The following SLC49A3 variants were observed in gnomAD, a reference collection of about 807,000 sequenced individuals.
SLC49A3 encodes the protein solute carrier family 49 member 3, also known as solute carrier family 49 member A3.
SLC49A3 carries 50 observed loss-of-function variants against 43.8 expected under a neutral mutation model. The observed-to-expected ratio is 1.14, with a 90% CI of 0.91 to 1.45. SLC49A3 has a LOEUF of 1.45. SLC49A3 is among the 40% of genes most tolerant of loss of function. The pLI, the probability that SLC49A3 is intolerant of heterozygous loss-of-function variation, is 0.00. For missense variants in SLC49A3, 906 were observed against 774.1 expected (o/e 1.17, Z -2.02); for synonymous variants, 413 against 352.0 (o/e 1.17, Z -1.94).
At chr4:678,008 AAAGCAGGCAG>A (rs377338184), downstream of SLC49A3, 478 of 1,613,454 alleles carry the variant, frequency 3.0e-4, 2 homozygotes, top group African/African-American at 5.9e-3. Flanking sequence ...CAGACGCATC[AAAGCAGGCAG>A]AAGCAGGCAT....
Position 685,239 on chromosome 4 carries a change from C to T in SLC49A3, c.586-383G>A, listed in dbSNP as rs1045964251. On this transcript the variant is annotated intron_variant, in intron 4 of 9. Transcript: ENST00000322224. This position sits in a 1 kb window ranked among gnomAD's most constrained non-coding sequence, Gnocchi z 4.3. Reference sequence around the variant, plus strand: ...CAGTACATACCCCCAAGCACAAACACACCACCCGCACCTGATACACATGCA... The same window carrying T: ...CAGTACATACCCCCAAGCACAAACATACCACCCGCACCTGATACACATGCA... 32 of 331,974 alleles carry T rather than the reference C, an allele frequency of 9.6e-5. No homozygotes were observed. The highest frequency in any genetic ancestry group is 8.8e-4 in the Middle Eastern group (1 of 1,132). 20.6% of individuals were successfully genotyped at this position (331,974 alleles called of 1,614,324 possible). A position where few individuals can be genotyped will look rare whatever the true frequency, so the allele number is the denominator to read the frequency against.
rs935267401 is a variant in SLC49A3, at chr4:683,286, C to T, written c.1075G>A (p.Val359Met). Residue 359 changes from valine to methionine, a missense_variant, in exon 8 of 10, where the codon GTG becomes ATG. Transcript: ENST00000322224. ...CACTCGACCGCCAACTCCATGGCCA[C>T]GGGGCCCACCGAGAAGCCAAACAGC... is the stretch of plus-strand genomic sequence containing the variant. ...LGLFGFSVGP[V>M]AMELAVECSF... 15 of 1,612,684 alleles carry T rather than the reference C, an allele frequency of 9.3e-6. No individual in the cohort carries two copies. The South Asian group carries it at 1.3e-4, about 14-fold the overall frequency.
downstream of SLC49A3, chr4:680,791 G>C (rs1739391509): frequency 1.5e-6 from 1 of 652,292 alleles, no homozygotes; most frequent in Admixed American, 2.9e-5. Flanking sequence ...TGTGCCCGGT[G>C]GGGGTGGGGC....
At chr4:691,272 G>C (rs1325577450), upstream of SLC49A3, among the ~76,000 whole-genome samples, 4 of 115,060 alleles carry the variant, frequency 3.5e-5, no homozygotes, top group Non-Finnish European at 6.7e-5. Flanking sequence ...AACAGAGTGA[G>C]ACTCTGTCTC....
At chr4:676,868 G>A (rs976156565), downstream of SLC49A3, 9 of 985,304 alleles carry the variant, frequency 9.1e-6, no homozygotes, top group Admixed American at 6.1e-5. Context: ...CATGCCTCCA[G>A]GGTCCTCAAC....
chr4:688,063 C>T (rs1233968023), intron 1 of SLC49A3: 1 of 152,488 alleles, frequency 6.6e-6, no homozygotes, highest in Admixed American at 6.5e-5. Flanking sequence ...ACACCTACGA[C>T]ACCCACTGAC....
At position 684,487 on chromosome 4, in the gene SLC49A3, G is replaced by C. The variant is rs759501936; in HGVS notation, c.836C>G (p.Ser279Cys). The change falls in exon 6 of 10, where the codon TCC becomes TGC. Residue 279 changes from serine (S) to cysteine (C), a missense_variant. Coordinates refer to ENST00000322224, the MANE Select transcript of SLC49A3 (RefSeq NM_032219.4). ...CAGGGGTGGGGCCAGGCTCACACTG[G>C]AGTGGCCGCTTGCACAGAGGATCTG... ...LEQILCASGH[S>C]SGFSGLCGAL... 1 of 1,612,924 alleles carries C rather than the reference G, an allele frequency of 6.2e-7. No individual in the cohort carries two copies. Among genetic ancestry groups the C allele is most frequent in the Non-Finnish European group, 8.5e-7 (1 of 1,179,914 alleles).
chr4:684,703 A>G lies in SLC49A3; in HGVS notation c.723+16T>C, dbSNP rs201587744. ...CCCCCAAATCCACCCTACCCCGGGG[A>G]TCCCACGGCACTGACCAGCTTGAGC... On this transcript the variant is annotated intron_variant, in intron 5 of 9. Transcript: ENST00000322224. 2.5e-6 allele frequency: 4 copies of G among 1,607,036 alleles called. No homozygotes were observed. In the South Asian group the frequency reaches 3.3e-5, roughly 13 times the overall value.
Position 682,206 on chromosome 4 carries a change from TTCCTGCTCCCCCTCGG to T in SLC49A3, c.1416_1431del (p.Asp472GlufsTer22), listed in dbSNP as rs747105332. The T allele has an allele frequency of 8.9e-5, 122 of 1,374,210 alleles. No homozygotes were observed. The highest frequency in any genetic ancestry group is 1.1e-4 in the Non-Finnish European group (117 of 1,052,748). The allele number at this position is 1,374,210 out of a possible 1,614,324, so 85.1% of individuals were successfully genotyped here. ...GTGCTGGGCCCCAGGACCCCAGCCC[TTCCTGCTCCCCCTCGG>T]TCCACACCCGGCCCTGAGTCTGCGC... is the stretch of plus-strand genomic sequence containing the variant. On this transcript the variant is annotated frameshift_variant, in exon 10 of 10. Transcript: ENST00000322224. LOFTEE classifies it low-confidence loss of function (END_TRUNC).
downstream of SLC49A3, chr4:679,966 G>A (rs746332201): frequency 1.4e-5 from 22 of 1,613,544 alleles, no homozygotes; most frequent in Middle Eastern, 1.6e-4. Context: ...AAGAGGCCTC[G>A]GGGCCCATCA....
At chr4:691,518 C>A (rs1299894101), upstream of SLC49A3, among the ~76,000 whole-genome samples, 1 of 151,232 alleles carries the variant, frequency 6.6e-6, no homozygotes, top group Non-Finnish European at 1.5e-5. Context: ...TTGATTAAAC[C>A]CGGGAGGCAG....
In SLC49A3 at chr4:682,071, C is replaced by T. The variant is rs748008558; in HGVS notation, c.1567G>A (p.Ala523Thr). Residue 523 changes from alanine (A) to threonine (T), a missense_variant, in exon 10 of 10, where the codon GCC becomes ACC. Ala to Thr is a moderately conservative substitution (Grantham distance 58). Transcript: ENST00000322224. ...CCGGGGCGGGAGGGCGCGTCGGTGG[C>T]TGCTGGGCCTTGCGCACGGGGAGTC... ...RATPRAQGPA[A>T]TDAPSRPGRL... is the part of the protein sequence containing the mutation. 1.4e-6 allele frequency: 2 copies of T among 1,408,012 alleles called. No homozygotes were observed. The highest frequency in any genetic ancestry group is 2.7e-5 in the Admixed American group (1 of 36,592). The allele number at this position is 1,408,012 out of a possible 1,614,324, so 87.2% of individuals were successfully genotyped here. A position where few individuals can be genotyped will look rare whatever the true frequency, so the allele number is the denominator to read the frequency against.
chr4:678,505 C>A, downstream of SLC49A3: 1 of 1,444,384 alleles, frequency 6.9e-7, no homozygotes, highest in Non-Finnish European at 9.1e-7. Context: ...CTACCCAGGC[C>A]TGAGGCTGGC....
intron 1 of SLC49A3, 69 bp from the exon 2 acceptor site, chr4:686,759 G>T: frequency 6.5e-7 from 1 of 1,548,358 alleles, no homozygotes. Flanking sequence ...GCCCCAGCCA[G>T]CCCGAGGGGG....
rs1234573818 is a variant in SLC49A3, at chr4:687,891, AG to A, written c.135+1101del. On this transcript the variant is annotated intron_variant, in intron 1 of 9. Transcript: ENST00000322224. ...TCCAGCCTCAAGGGCACTTGGCTGG[AG>A]TGAACATGGTGCTTACGGCTCACTG... The A allele has an allele frequency of 2.0e-5, 3 of 152,318 alleles. No individual in the cohort carries two copies. In the East Asian group the frequency reaches 5.8e-4, roughly 29 times the overall value. 9.4% of individuals were successfully genotyped at this position (152,318 alleles called of 1,614,324 possible).
chr4:686,821 G>A (rs1014465628), intron 1 of SLC49A3, 131 bp from the exon 2 acceptor site: 5 of 1,193,758 alleles, frequency 4.2e-6, no homozygotes, highest in African/African-American at 3.1e-5. Context: ...AGCTGGACAC[G>A]GGGCCTTCCT....
At chr4:680,856 G>A, downstream of SLC49A3, 1 of 638,122 alleles carries the variant, frequency 1.6e-6, no homozygotes, top group East Asian at 2.7e-5. Flanking sequence ...GCCGGGGAAA[G>A]TACCAGGCGC....
At position 683,675 on chromosome 4, in the gene SLC49A3, C is replaced by T; in HGVS notation, c.927G>A (p.Lys309=). 6.2e-7 allele frequency: 1 copy of T among 1,610,308 alleles called. No individual in the cohort carries two copies. The highest frequency in any genetic ancestry group is 8.5e-7 in the Non-Finnish European group (1 of 1,178,762). The part of the protein sequence containing the change: ...LALGPYVDRT[K]HFTEATKIGL... Reference sequence around the variant, plus strand: ...CAATCTTGGTGGCCTCAGTGAAGTGCTTGGTCCGGTCCACATAGGGGCCGA... The same window carrying T: ...CAATCTTGGTGGCCTCAGTGAAGTGTTTGGTCCGGTCCACATAGGGGCCGA... The change falls in exon 7 of 10, where the codon AAG becomes AAA. Residue 309 remains lysine (K), a synonymous_variant. Coordinates refer to ENST00000322224, the MANE Select transcript of SLC49A3 (RefSeq NM_032219.4).
chr4:682,153 C>A lies in SLC49A3; in HGVS notation c.1485G>T (p.Gly495=). The A allele has an allele frequency of 7.5e-7, 1 of 1,339,278 alleles. No homozygotes were observed. Among genetic ancestry groups the A allele is most frequent in the Non-Finnish European group, 9.7e-7 (1 of 1,033,868 alleles). 83.0% of individuals were successfully genotyped at this position (1,339,278 alleles called of 1,614,324 possible). A position where few individuals can be genotyped will look rare whatever the true frequency, so the allele number is the denominator to read the frequency against. ...STATPECTAR[G]ASLEDPRGPG... is the part of the protein sequence containing the mutation. ...GCCCTCTGGGGTCCTCTAGCGAGGC[C>A]CCCCTCGCCGTGCACTCCGGAGTCG... is the stretch of plus-strand genomic sequence containing the variant. Residue 495 remains glycine (G), a synonymous_variant, in exon 10 of 10, where the codon GGG becomes GGT. Transcript: ENST00000322224.
Sources: gnomAD v4.1 joint callset for allele counts (sites outside exome capture counted in the v4.1 genomes callset) on GRCh38, gnomAD v4.1.1 for gene constraint, Gnocchi (gnomAD v3.1) non-coding constraint, MANE v1.5 for transcripts, NCBI Gene and HGNC (gene_info 2026-07-23, HGNC 2026-07-21) for gene names.